NAALADL2: variants seen among roughly 807,000 people sequenced by gnomAD.
NAALADL2 encodes inactive N-acetylated-alpha-linked acidic dipeptidase-like protein 2.
In NAALADL2, 76 loss-of-function variants were observed where a neutral mutation model predicts 87.2. That is an observed-to-expected ratio of 0.87 (90% confidence interval 0.72 to 1.05). The LOEUF (loss-of-function observed/expected upper bound fraction) is 1.05. NAALADL2 is among the 50% of genes least tolerant of loss of function. The pLI, the probability that NAALADL2 is intolerant of heterozygous loss-of-function variation, is 0.00. For synonymous variants in NAALADL2, 354 were observed against 331.0 expected (o/e 1.07, Z -0.75); for missense variants, 1,089 against 945.8 (o/e 1.15, Z -1.99).
intron 2 of NAALADL2, among the ~76,000 whole-genome samples, chr3:175,207,061 G>A (rs1368426402): frequency 2.6e-5 from 4 of 152,058 alleles, no homozygotes; most frequent in Non-Finnish European, 4.4e-5. Flanking sequence ...ATATGCAAAC[G>A]TATATATTGT....
At chr3:174,480,849 A>G (rs1302860713) in intron 1 of NAALADL2, among the ~76,000 whole-genome samples, 1 of 152,078 alleles carries the variant, frequency 6.6e-6, no homozygotes, top group African/African-American at 2.4e-5. Context: ...GATGCCCATT[A>G]TTTGAATCTT....
intron 5 of NAALADL2, among the ~76,000 whole-genome samples, chr3:175,335,087 G>A (rs370764185): frequency 6.6e-6 from 1 of 152,118 alleles, no homozygotes; most frequent in African/African-American, 2.4e-5. Flanking sequence ...ACAGGATGGG[G>A]CATCACAGTG....
intron 13 of NAALADL2, among the ~76,000 whole-genome samples, chr3:175,775,976 C>T (rs900802048): frequency 5.3e-5 from 8 of 152,018 alleles, no homozygotes; most frequent in Non-Finnish European, 1.2e-4. Context: ...TATGTCTTAC[C>T]GTCTGTATCC....
At chr3:175,283,423 T>C (rs900431352) in intron 4 of NAALADL2, among the ~76,000 whole-genome samples, 5 of 152,090 alleles carry the variant, frequency 3.3e-5, no homozygotes, top group African/African-American at 1.2e-4. Context: ...TACAAAATGT[T>C]TTTGTTCTGT....
intron 3 of NAALADL2, among the ~76,000 whole-genome samples, chr3:174,837,092 G>A (rs1350696353): frequency 1.3e-5 from 2 of 151,848 alleles, no homozygotes; most frequent in Admixed American, 6.6e-5. Context: ...AGGAACTAGA[G>A]AAACAAGAAC....
At chr3:175,674,597 A>G (rs996433698) in intron 11 of NAALADL2, among the ~76,000 whole-genome samples, 7 of 152,044 alleles carry the variant, frequency 4.6e-5, no homozygotes, top group African/African-American at 1.7e-4. Context: ...TGGATTCTCT[A>G]CTTACCACCA....
At chr3:175,163,973 G>A (rs959394119) in intron 2 of NAALADL2, among the ~76,000 whole-genome samples, 7 of 152,170 alleles carry the variant, frequency 4.6e-5, no homozygotes, top group Admixed American at 1.3e-4. Flanking sequence ...ATTTTGCCGG[G>A]AATATCTAGT....
intron 9 of NAALADL2, among the ~76,000 whole-genome samples, chr3:175,475,493 A>G (rs1725562364): frequency 1.3e-5 from 2 of 152,196 alleles, no homozygotes; most frequent in Non-Finnish European, 2.9e-5. Flanking sequence ...TTGGTCATCC[A>G]TATTTTAGGC....
chr3:175,500,169 A>C (rs1340082398), intron 9 of NAALADL2, among the ~76,000 whole-genome samples: 1 of 152,120 alleles, frequency 6.6e-6, no homozygotes, highest in Non-Finnish European at 1.5e-5. Flanking sequence ...CTTTAGAAAT[A>C]AGATAATGCG....
At chr3:175,210,933 CATACTTACTATATTTGACTG>C (rs1440907613) in intron 2 of NAALADL2, among the ~76,000 whole-genome samples, 1 of 151,764 alleles carries the variant, frequency 6.6e-6, no homozygotes, top group Non-Finnish European at 1.5e-5. Flanking sequence ...TGACATTTTT[CATACTTACTATATTTGACTG>C]GTGTTTCAAT....
At chr3:175,647,212 G>A (rs1187108410) in intron 11 of NAALADL2, among the ~76,000 whole-genome samples, 1 of 152,098 alleles carries the variant, frequency 6.6e-6, no homozygotes, top group African/African-American at 2.4e-5. Flanking sequence ...TAACAGAGAA[G>A]AGGCAGAAGT....
chr3:175,656,243 C>A (rs1333474142), intron 11 of NAALADL2, among the ~76,000 whole-genome samples: 2 of 152,148 alleles, frequency 1.3e-5, no homozygotes, highest in Admixed American at 1.3e-4. Context: ...TATTCAAATA[C>A]ATATGAGTTG....
chr3:175,605,768 A>C (rs1723653658), intron 10 of NAALADL2, among the ~76,000 whole-genome samples: 1 of 150,102 alleles, frequency 6.7e-6, no homozygotes, highest in Non-Finnish European at 1.5e-5. Flanking sequence ...TACAGCACAG[A>C]CTCCTGGTTT....
intron 1 of NAALADL2, among the ~76,000 whole-genome samples, chr3:174,994,406 A>G (rs1404455309): frequency 2.6e-5 from 4 of 152,216 alleles, no homozygotes; most frequent in Non-Finnish European, 5.9e-5. Flanking sequence ...ATCTTTAAAC[A>G]TTCTTAACAC....
intron 5 of NAALADL2, among the ~76,000 whole-genome samples, chr3:175,425,592 T>A (rs1581832159): frequency 6.6e-6 from 1 of 152,166 alleles, no homozygotes; most frequent in African/African-American, 2.4e-5. Flanking sequence ...ATTAAGGGGA[T>A]TGGAGTCTGT....
intron 1 of NAALADL2, among the ~76,000 whole-genome samples, chr3:174,991,887 C>A (rs746289775): frequency 3.2e-4 from 49 of 152,166 alleles, no homozygotes; most frequent in Middle Eastern, 3.4e-3. Context: ...ATAGAATATT[C>A]TTGTCTTGAT....
intron 2 of NAALADL2, among the ~76,000 whole-genome samples, chr3:175,214,844 T>C (rs1742271254): frequency 6.6e-6 from 1 of 152,300 alleles, no homozygotes; most frequent in African/African-American, 2.4e-5. Context: ...AATCCAGCAG[T>C]ACAGACATTC....
intron 2 of NAALADL2, among the ~76,000 whole-genome samples, chr3:174,640,830 T>C (rs1357316691): frequency 6.6e-6 from 1 of 152,164 alleles, no homozygotes; most frequent in Non-Finnish European, 1.5e-5. Context: ...GATTTAGTTA[T>C]AGGAGAGGGC....
At chr3:175,228,554 C>T (rs1744494867) in intron 2 of NAALADL2, among the ~76,000 whole-genome samples, 1 of 151,192 alleles carries the variant, frequency 6.6e-6, no homozygotes, top group African/African-American at 2.4e-5. Context: ...AACCAGAAAC[C>T]TAGAAATTAG....
Sources: allele counts gnomAD v4.1 joint callset (sites outside exome capture counted in the v4.1 genomes callset), GRCh38; gene constraint gnomAD v4.1.1; transcripts MANE v1.5; gene names NCBI Gene and HGNC (gene_info 2026-07-23, HGNC 2026-07-21).